CACNG8: variants seen among roughly 807,000 people sequenced by gnomAD.
CACNG8 encodes the protein voltage-dependent calcium channel gamma-8 subunit.
CACNG8 carries 5 observed loss-of-function variants against 26.9 expected under a neutral mutation model. The ratio of observed to expected loss-of-function variants is 0.19; its 90% CI spans 0.10 to 0.39. The LOEUF is 0.39. Ranked by LOEUF, CACNG8 falls within the 10% of genes least tolerant of loss-of-function variation. CACNG8 has a pLI of 1.00. For missense variants in CACNG8, 473 were observed against 609.4 expected, an observed-to-expected ratio of 0.78 and a Z score of 2.36; for synonymous variants, 321 against 296.7, an observed-to-expected ratio of 1.08 and a Z score of -0.84.
At chr19:53,967,637 C>G (rs1228490014) in intron 1 of CACNG8, among the ~76,000 whole-genome samples, 1 of 152,044 alleles carries the variant, frequency 6.6e-6, no homozygotes, top group East Asian at 1.9e-4. Context: ...GAGTTCAAGA[C>G]CAGCCTGGCC....
At position 53,982,447 on chromosome 19, in the gene CACNG8, C is replaced by T. The variant is rs1386860336; in HGVS notation, c.876C>T (p.Gly292=). 2.6e-6 allele frequency: 4 copies of T among 1,517,162 alleles called. No homozygotes were observed. The highest frequency in any genetic ancestry group is 2.9e-5 in the African/African-American group (2 of 69,976). 94.0% of individuals were successfully genotyped at this position (1,517,162 alleles called of 1,614,324 possible). Residue 292 remains glycine, a synonymous_variant, in exon 4 of 4, where the codon GGC becomes GGT. Coordinates refer to ENST00000270458, the MANE Select transcript of CACNG8 (RefSeq NM_031895.6). The surrounding 1 kb of genome is among the most constrained non-coding windows in gnomAD (Gnocchi z 8.4). ...CGCCGTCGCGGGACGCGTCTCCCGG[C>T]GGCCCCGGGGGCCCGGGCTTTGCCT...
rs112198010 is a variant in CACNG8 at position 53,987,942 on chromosome 19, T to G, written c.*5093T>G. 6.6e-6 allele frequency: 1 copy of G among 151,392 alleles called. No individual in the cohort carries two copies. Among genetic ancestry groups the G allele is most frequent in the South Asian group, 2.1e-4 (1 of 4,772 alleles). 9.4% of individuals were successfully genotyped at this position (151,392 alleles called of 1,614,324 possible). ...AGAGAAGCGACCCTGGCCAGAGCCTTGGGGACATCTACATCTGGGGGAGAA... is the reference window on the plus strand; with the variant it reads ...AGAGAAGCGACCCTGGCCAGAGCCTGGGGGACATCTACATCTGGGGGAGAA... On this transcript the variant is annotated 3_prime_UTR_variant, in exon 4 of 4. Coordinates refer to ENST00000270458, the MANE Select transcript of CACNG8 (RefSeq NM_031895.6).
Position 53,982,172 on chromosome 19 carries a change from T to G in CACNG8, c.601T>G (p.Ser201Ala). The G allele has an allele frequency of 6.2e-7, 1 of 1,613,404 alleles. No individual in the cohort carries two copies. The highest frequency in any genetic ancestry group is 1.3e-5 in the African/African-American group (1 of 75,036). ...GGACGAGGAGAAGAAAAACCACTAC[T>G]CGTACGGCTGGTCCTTCTACTTCGG... The change falls in exon 4 of 4, where the codon TCG (serine) becomes GCG (alanine). Residue 201 changes from serine (S) to alanine (A), a missense_variant. Coordinates refer to ENST00000270458, the MANE Select transcript of CACNG8 (RefSeq NM_031895.6). The surrounding 1 kb of genome is among the most constrained non-coding windows in gnomAD (Gnocchi z 8.4).
At chr19:53,973,250 G>A (rs977000436) in intron 1 of CACNG8, among the ~76,000 whole-genome samples, 15 of 152,132 alleles carry the variant, frequency 9.9e-5, no homozygotes, top group Admixed American at 2.0e-4. Context: ...GGCTGGGCGC[G>A]GTGGCTCATG....
Position 53,982,803 on chromosome 19 carries a change from C to G in CACNG8, c.1232C>G (p.Ala411Gly), listed in dbSNP as rs747422276. ...CCCGGGACCCTGGCCAAGGAGGCCGCCGCCTCCAACACCAACACGCTCAAC... is the reference window on the plus strand; with the variant it reads ...CCCGGGACCCTGGCCAAGGAGGCCGGCGCCTCCAACACCAACACGCTCAAC... The change falls in exon 4 of 4, where the codon GCC becomes GGC. Residue 411 changes from alanine (A) to glycine (G), a missense_variant. Around this residue, in one of 6 missense-constraint regions of CACNG8, gnomAD observed 212 missense variants for 214.4 expected, o/e 0.99. Coordinates refer to ENST00000270458, the MANE Select transcript of CACNG8 (RefSeq NM_031895.6). This position sits in a 1 kb window ranked among gnomAD's most constrained non-coding sequence, Gnocchi z 8.4. The G allele has an allele frequency of 3.7e-5, 51 of 1,370,908 alleles. 1 individual carries two copies. The South Asian group carries it at 7.1e-4, about 19-fold the overall frequency. 84.9% of individuals were successfully genotyped at this position (1,370,908 alleles called of 1,614,324 possible).
At position 53,985,486 on chromosome 19, in the gene CACNG8, A is replaced by T. The variant is rs1015168538; in HGVS notation, c.*2637A>T. 6.6e-6 allele frequency: 1 copy of T among 152,296 alleles called. No homozygotes were observed. Among genetic ancestry groups the T allele is most frequent in the Non-Finnish European group, 1.5e-5 (1 of 68,076 alleles). The allele number at this position is 152,296 out of a possible 1,614,324, so 9.4% of individuals were successfully genotyped here. On this transcript the variant is annotated 3_prime_UTR_variant, in exon 4 of 4. Transcript: ENST00000270458. ...GTAGGAAAAGGAATACAAATCAGTGAGACGGAGAAGCGCTGAGTGAGAGAG... is the reference window on the plus strand; with the variant it reads ...GTAGGAAAAGGAATACAAATCAGTGTGACGGAGAAGCGCTGAGTGAGAGAG...
At chr19:53,963,840 C>T (rs2069257355) in intron 1 of CACNG8, among the ~76,000 whole-genome samples, 1 of 134,934 alleles carries the variant, frequency 7.4e-6, no homozygotes. Context: ...CTCACTCTGT[C>T]GCCCAGGCTG....
chr19:53,976,808 G>C (rs1431283723), intron 1 of CACNG8, among the ~76,000 whole-genome samples: 1 of 152,058 alleles, frequency 6.6e-6, no homozygotes, highest in Admixed American at 6.6e-5. Flanking sequence ...GAGTAGCTGG[G>C]ATTACAGGCA....
intron 1 of CACNG8, among the ~76,000 whole-genome samples, chr19:53,970,931 C>CAAAA (rs34478690): frequency 1.0e-5 from 1 of 96,648 alleles, no homozygotes; most frequent in Non-Finnish European, 2.1e-5. Context: ...GACCCTATCT[C>CAAAA]AAAAAAAAAA....
chr19:53,976,071 G>A (rs1274555847), intron 1 of CACNG8, among the ~76,000 whole-genome samples: 2 of 152,336 alleles, frequency 1.3e-5, no homozygotes, highest in Middle Eastern at 3.4e-3. Flanking sequence ...GGAGGCCAGC[G>A]CAGTGGCTCA....
chr19:53,989,525 G>A lies in CACNG8; in HGVS notation c.*6676G>A, dbSNP rs1415972114. The A allele has an allele frequency of 1.3e-5, 2 of 152,358 alleles. No homozygotes were observed. The highest frequency in any genetic ancestry group is 1.5e-5 in the Non-Finnish European group (1 of 68,056). The allele number at this position is 152,358 out of a possible 1,614,324, so 9.4% of individuals were successfully genotyped here. On this transcript the variant is annotated 3_prime_UTR_variant, in exon 4 of 4. Transcript: ENST00000270458. ...ATAAAAAGAAAAAAAAATATTTCCT[G>A]AGGACTTCCAAGTACAAGGCCCTGC...
intron 3 of CACNG8, 33 bp downstream of exon 3, chr19:53,980,040 G>T: frequency 6.4e-7 from 1 of 1,571,226 alleles, no homozygotes. Flanking sequence ...GACCGGGGCG[G>T]CCCACCTGGG....
intron 1 of CACNG8, among the ~76,000 whole-genome samples, chr19:53,976,553 T>G (rs1276009496): frequency 6.6e-6 from 1 of 152,226 alleles, no homozygotes; most frequent in Non-Finnish European, 1.5e-5. Flanking sequence ...TTATCCCTAT[T>G]CTTTCCCCTA....
rs1278227919 is a variant in CACNG8, at chr19:53,982,022, G to C, written c.509-58G>C. On this transcript the variant is annotated intron_variant, in intron 3 of 3. Transcript: ENST00000270458. The surrounding 1 kb of genome is among the most constrained non-coding windows in gnomAD (Gnocchi z 8.4). ...CGCAGGCGGGCAGGGGTCGGGGCCG[G>C]GGGCGGGGGCGGGGCCGGGGGTGGC... is the stretch of plus-strand genomic sequence containing the variant. The C allele has an allele frequency of 4.7e-6, 7 of 1,498,338 alleles. No homozygotes were observed. In the African/African-American group the frequency reaches 1.0e-4, roughly 22 times the overall value. The allele number at this position is 1,498,338 out of a possible 1,614,324, so 92.8% of individuals were successfully genotyped here. A position where few individuals can be genotyped will look rare whatever the true frequency, so the allele number is the denominator to read the frequency against.
intron 1 of CACNG8, among the ~76,000 whole-genome samples, chr19:53,967,781 G>T (rs973507778): frequency 2.0e-5 from 3 of 152,152 alleles, no homozygotes; most frequent in African/African-American, 7.2e-5. Flanking sequence ...GTTGCAGTGA[G>T]CCGAGATCGC....
chr19:53,968,746 G>T (rs945642909), intron 1 of CACNG8, among the ~76,000 whole-genome samples: 11 of 124,250 alleles, frequency 8.9e-5, no homozygotes, highest in African/African-American at 2.9e-4. Flanking sequence ...TCCAGCTTGG[G>T]CAACAGAGTG....
chr19:53,982,529 G>A lies in CACNG8; in HGVS notation c.958G>A (p.Ala320Thr), dbSNP rs1026072406. ...CGACCCCTCCAAGGGCAGCGTGGCC[G>A]CGGGGCTGGCGGGGGCCGGCGGCGG... Residue 320 changes from alanine to threonine, a missense_variant, in exon 4 of 4, where the codon GCG becomes ACG. Ala to Thr is a moderately conservative substitution (Grantham distance 58). Coordinates refer to ENST00000270458, the MANE Select transcript of CACNG8 (RefSeq NM_031895.6). The surrounding 1 kb of genome is among the most constrained non-coding windows in gnomAD (Gnocchi z 8.4). 23 of 1,271,246 alleles carry A rather than the reference G, an allele frequency of 1.8e-5. No individual in the cohort carries two copies. The highest frequency in any genetic ancestry group is 3.1e-5 in the African/African-American group (2 of 63,606). The allele number at this position is 1,271,246 out of a possible 1,614,324, so 78.7% of individuals were successfully genotyped here.
Position 53,982,767 on chromosome 19 carries a change from C to G in CACNG8, c.1196C>G (p.Ser399Cys), listed in dbSNP as rs2069381237. The stretch of plus-strand genomic sequence containing the variant: ...CCCGCGCCCGCGCCACCCGCGCCCT[C>G]TGCGCCCGCCCCCGGGACCCTGGCC... Residue 399 changes from serine (S) to cysteine (C), a missense_variant, in exon 4 of 4, where the codon TCT becomes TGT. Physicochemically the swap from Ser to Cys is moderately radical, Grantham distance 112. Coordinates refer to ENST00000270458, the MANE Select transcript of CACNG8 (RefSeq NM_031895.6). This position sits in a 1 kb window ranked among gnomAD's most constrained non-coding sequence, Gnocchi z 8.4. 7.9e-7 allele frequency: 1 copy of G among 1,264,330 alleles called. No homozygotes were observed. Among genetic ancestry groups the G allele is most frequent in the Non-Finnish European group, 1.0e-6 (1 of 1,004,444 alleles). The allele number at this position is 1,264,330 out of a possible 1,614,324, so 78.3% of individuals were successfully genotyped here. A position where few individuals can be genotyped will look rare whatever the true frequency, so the allele number is the denominator to read the frequency against.
At chr19:53,971,937 C>CT (rs34785515) in intron 1 of CACNG8, among the ~76,000 whole-genome samples, 8,428 of 152,270 alleles carry the variant, frequency 0.055, 278 homozygotes, top group African/African-American at 0.08. Context: ...ACAAGAAAAA[C>CT]TCATAGCTTG....
Sources: gnomAD v4.1 joint callset for allele counts (sites outside exome capture counted in the v4.1 genomes callset) on GRCh38, gnomAD v4.1.1 for gene constraint, gnomAD v4.1.1 regional missense constraint, Gnocchi (gnomAD v3.1) non-coding constraint, MANE v1.5 for transcripts, NCBI Gene and HGNC (gene_info 2026-07-23, HGNC 2026-07-21) for gene names.